Variants in SIRPB1 observed in about 807,000 individuals in gnomAD.
The protein encoded by SIRPB1 is signal-regulatory protein beta-1.
SIRPB1 carries 28 observed loss-of-function variants against 34.1 expected under a neutral mutation model. The ratio of observed to expected loss-of-function variants is 0.82; its 90% CI spans 0.61 to 1.12. The LOEUF is 1.12. SIRPB1 is among the 50% of genes most tolerant of loss of function. The pLI, the probability that SIRPB1 is intolerant of heterozygous loss-of-function variation, is 0.00. For missense variants in SIRPB1, 499 were observed against 507.0 expected (o/e 0.98, Z 0.15); for synonymous variants, 211 against 203.8 (o/e 1.04, Z -0.30).
intron 4 of SIRPB1, among the ~76,000 whole-genome samples, chr20:1,567,437 C>G (rs1043868659): frequency 5.9e-5 from 9 of 152,346 alleles, no homozygotes; most frequent in Admixed American, 2.6e-4. Flanking sequence ...CTCCTACACT[C>G]CTGCCTCCTC....
rs190666398 is a variant in SIRPB1 at position 1,618,334 on chromosome 20, G to A, written c.76+1535C>T. The stretch of plus-strand genomic sequence containing the variant: ...AGTAGCATAACACGACTAAAAGAAT[G>A]AACTTTGGAGCCGGTCGACCTGGAC... On this transcript the variant is annotated intron_variant, in intron 1 of 5. Transcript: ENST00000381605. 8.5e-5 allele frequency among the ~76,000 whole-genome samples: 13 copies of A among 152,332 alleles called. No individual in the cohort carries two copies. The East Asian group carries it at 2.3e-3, about 27-fold the overall frequency.
At chr20:1,577,923 GTGGGGTCTCAGTGACTGCC>G (rs1267116473) in intron 2 of SIRPB1, among the ~76,000 whole-genome samples, 1 of 147,950 alleles carries the variant, frequency 6.8e-6, no homozygotes, top group Non-Finnish European at 1.5e-5. Flanking sequence ...CTGGCACACA[GTGGGGTCTCAGTGACTGCC>G]TGTTGCATAA....
At chr20:1,619,404 A>G (rs913952648) in intron 1 of SIRPB1, among the ~76,000 whole-genome samples, 2 of 152,076 alleles carry the variant, frequency 1.3e-5, no homozygotes, top group African/African-American at 4.8e-5. Context: ...ATGGTGGCTG[A>G]ACACTCCCAG....
At chr20:1,611,827 G>C in intron 1 of SIRPB1, 1 of 413,596 alleles carries the variant, frequency 2.4e-6, no homozygotes, top group Non-Finnish European at 3.8e-6. Context: ...AAGGCCTTGA[G>C]CTCAGCACAC....
In SIRPB1 at chr20:1,570,953, C is replaced by T. The variant is rs771466776; in HGVS notation, c.936G>A (p.Met312Ile). ...CACAGGTGTTCACCAGGAGCCAGCT[C>T]ATCCAGTTGTAGGTGCCATCCTTGT... ...IENKDGTYNW[M>I]SWLLVNTCAH... The change falls in exon 4 of 6, where the codon ATG (methionine) becomes ATA (isoleucine). Residue 312 changes from methionine to isoleucine, a missense_variant. By Grantham distance (10) the Met-to-Ile change is conservative (BLOSUM62 1). Transcript: ENST00000381605. 195 of 1,614,058 alleles carry T rather than the reference C, an allele frequency of 1.2e-4. No homozygotes were observed. Among genetic ancestry groups the T allele is most frequent in the Non-Finnish European group, 1.6e-4 (186 of 1,180,042 alleles).
Position 1,564,395 on chromosome 20 carries a change from G to A in SIRPB1, c.*1105C>T, listed in dbSNP as rs2091101537. On this transcript the variant is annotated 3_prime_UTR_variant, in exon 6 of 6. Transcript: ENST00000381605. Reference sequence around the variant, plus strand: ...ATTTTATACAAGGTAGTTTATAGAAGGTGCCTTTAATGAAGTGACATTGAG... The same window carrying A: ...ATTTTATACAAGGTAGTTTATAGAAAGTGCCTTTAATGAAGTGACATTGAG... 1 of 152,340 alleles carries A rather than the reference G, an allele frequency of 6.6e-6. No homozygotes were observed. The highest frequency in any genetic ancestry group is 2.4e-5 in the African/African-American group (1 of 41,432). The allele number at this position is 152,340 out of a possible 1,614,324, so 9.4% of individuals were successfully genotyped here.
rs1440086019 is a variant in SIRPB1 at position 1,584,786 on chromosome 20, T to C, written c.77-6092A>G. 6.5e-4 allele frequency among the ~76,000 whole-genome samples: 32 copies of C among 48,898 alleles called. 16 individuals are homozygous for C. The highest frequency in any genetic ancestry group is 4.3e-3 in the African/African-American group (32 of 7,394). The allele number at this position is 48,898 out of a possible 152,430, so 32.1% of individuals were successfully genotyped here. A position where few individuals can be genotyped will look rare whatever the true frequency, so the allele number is the denominator to read the frequency against. ...AGTTCATATTAGCCATAGAAAACCA[T>C]GAATAGCTAAGGCAAGCTTTAGCAA... is the stretch of plus-strand genomic sequence containing the variant. On this transcript the variant is annotated intron_variant, in intron 1 of 5. Transcript: ENST00000381605.
In SIRPB1 at chr20:1,598,864, C is replaced by A. The variant is rs1273816453; in HGVS notation, c.77-20170G>T. On this transcript the variant is annotated intron_variant, in intron 1 of 5. Coordinates refer to ENST00000381605, the MANE Select transcript of SIRPB1 (RefSeq NM_006065.5). ...CCAGTAGACATAGATGACAGAGACA[C>A]CAACCACCAGCAGCACCTTGGGGCC... The A allele has an allele frequency of 1.9e-5, 11 of 575,762 alleles. 5 individuals carry two copies. Among genetic ancestry groups the A allele is most frequent in the Non-Finnish European group, 2.5e-5 (11 of 435,788 alleles). The allele number at this position is 575,762 out of a possible 1,614,324, so 35.7% of individuals were successfully genotyped here.
intron 4 of SIRPB1, among the ~76,000 whole-genome samples, chr20:1,567,116 G>T (rs1430409771): frequency 2.0e-5 from 3 of 152,100 alleles, no homozygotes; most frequent in Non-Finnish European, 4.4e-5. Flanking sequence ...AAATAAAATG[G>T]TGCTGGTGGG....
intron 1 of SIRPB1, among the ~76,000 whole-genome samples, chr20:1,610,686 C>T (rs1216586745): frequency 1.4e-5 from 1 of 72,298 alleles, no homozygotes; most frequent in Non-Finnish European, 2.6e-5. Flanking sequence ...CCCAAATAGA[C>T]CCACAGCAAA....
chr20:1,619,934 G>T lies in SIRPB1; in HGVS notation c.11C>A (p.Pro4Gln). The T allele has an allele frequency of 6.2e-7, 1 of 1,613,778 alleles. No homozygotes were observed. The highest frequency in any genetic ancestry group is 8.5e-7 in the Non-Finnish European group (1 of 1,179,760). The change falls in exon 1 of 6, where the codon CCA becomes CAA. Residue 4 changes from proline (P) to glutamine (Q), a missense_variant. Transcript: ENST00000381605. MPV[P>Q]ASWPHLPSPF... ...ACTAGGAAGGTGGGGCCAGGAGGCT[G>T]GCACGGGCATTCTGGAGACCTTAGG...
rs1461079002 is a variant in SIRPB1 at position 1,578,825 on chromosome 20, T to A, written c.77-131A>T. The A allele has an allele frequency of 1.3e-5, 10 of 750,852 alleles. No individual in the cohort carries two copies. In the East Asian group the frequency reaches 2.4e-4, roughly 18 times the overall value. 46.5% of individuals were successfully genotyped at this position (750,852 alleles called of 1,614,324 possible). A position where few individuals can be genotyped will look rare whatever the true frequency, so the allele number is the denominator to read the frequency against. ...GGCCTTGAGCTCAGCCCACTACATG[T>A]ATTATCTCATTTAACCCTCACAACT... is the stretch of plus-strand genomic sequence containing the variant. On this transcript the variant is annotated intron_variant, in intron 1 of 5. Transcript: ENST00000381605.
chr20:1,570,654 G>A (rs2091216335), intron 4 of SIRPB1, 151 bp downstream of exon 4: 1 of 653,450 alleles, frequency 1.5e-6, no homozygotes, highest in African/African-American at 1.8e-5. Context: ...AACCTTCTAA[G>A]TAGTGGTGAC....
intron 4 of SIRPB1, among the ~76,000 whole-genome samples, chr20:1,566,968 T>C (rs2091146547): frequency 6.6e-6 from 1 of 152,184 alleles, no homozygotes. Flanking sequence ...TCAACCCCAG[T>C]GCAGATGTCA....
Position 1,619,970 on chromosome 20 carries a change from G to C in SIRPB1, c.-26C>G. Reference sequence around the variant, plus strand: ...TCTGGAGACCTTAGGAGCCTGCTCTGTCCAAACGTCTGTGCTGGGAAGATC... The same window carrying C: ...TCTGGAGACCTTAGGAGCCTGCTCTCTCCAAACGTCTGTGCTGGGAAGATC... On this transcript the variant is annotated 5_prime_UTR_variant, in exon 1 of 6. Coordinates refer to ENST00000381605, the MANE Select transcript of SIRPB1 (RefSeq NM_006065.5). 3 of 1,604,922 alleles carry C rather than the reference G, an allele frequency of 1.9e-6. No homozygotes were observed. Among genetic ancestry groups the C allele is most frequent in the Non-Finnish European group, 2.6e-6 (3 of 1,175,824 alleles).
At chr20:1,571,240 A>G in intron 3 of SIRPB1, 103 bp from the exon 4 acceptor site, 1 of 1,219,652 alleles carries the variant, frequency 8.2e-7, no homozygotes, top group Non-Finnish European at 1.1e-6. Flanking sequence ...CATCACCAGG[A>G]CAGTGCTAGG....
At chr20:1,567,787 C>T (rs960698209) in intron 4 of SIRPB1, among the ~76,000 whole-genome samples, 3 of 152,206 alleles carry the variant, frequency 2.0e-5, no homozygotes, top group Admixed American at 6.5e-5. Flanking sequence ...AAGGTGTTAG[C>T]TGTTGCTGGG....
chr20:1,577,543 C>T (rs1217326694), intron 2 of SIRPB1, among the ~76,000 whole-genome samples: 6 of 147,510 alleles, frequency 4.1e-5, no homozygotes, highest in Admixed American at 3.4e-4. Flanking sequence ...CTAAGTCACC[C>T]ACTTGTGGGA....
In SIRPB1 at chr20:1,565,240, T is replaced by C; in HGVS notation, c.*260A>G. ...TGGGAGAAGTCCTGGTGTGTTTAGA[T>C]TTGGAGTGTTTCTCACCTTCTAGGG... On this transcript the variant is annotated 3_prime_UTR_variant, in exon 6 of 6. Transcript: ENST00000381605. 2.6e-6 allele frequency: 1 copy of C among 389,522 alleles called. No homozygotes were observed. Among genetic ancestry groups the C allele is most frequent in the East Asian group, 3.6e-5 (1 of 27,604 alleles). The allele number at this position is 389,522 out of a possible 1,614,324, so 24.1% of individuals were successfully genotyped here.
Sources: allele counts gnomAD v4.1 joint callset (sites outside exome capture counted in the v4.1 genomes callset), GRCh38; gene constraint gnomAD v4.1.1; transcripts MANE v1.5; gene names NCBI Gene and HGNC (gene_info 2026-07-23, HGNC 2026-07-21).